The following DLG2 variants were observed in gnomAD, a reference collection of about 807,000 sequenced individuals.
DLG2 encodes disks large homolog 2.
DLG2 carries 45 observed loss-of-function variants against 132.5 expected under a neutral mutation model. The ratio of observed to expected loss-of-function variants is 0.34; its 90% confidence interval spans 0.27 to 0.44. The LOEUF (loss-of-function observed/expected upper bound fraction) is 0.44. DLG2 is among the 20% of genes least tolerant of loss of function. DLG2 has a pLI of 1.00. For missense variants in DLG2, 1,045 were observed against 1,196.9 expected (o/e 0.87, Z 1.87); for synonymous variants, 424 against 419.6 (o/e 1.01, Z -0.13).
At chr11:85,577,721 A>G (rs781073726) in intron 3 of DLG2, among the ~76,000 whole-genome samples, 1 of 152,136 alleles carries the variant, frequency 6.6e-6, no homozygotes, top group African/African-American at 2.4e-5. Flanking sequence ...AAAATGAGGT[A>G]AGGAAATCAG....
chr11:84,372,607 G>A (rs186061072), intron 7 of DLG2, among the ~76,000 whole-genome samples: 138 of 152,232 alleles, frequency 9.1e-4, no homozygotes, highest in African/African-American at 3.3e-3. Flanking sequence ...GATGCTACTA[G>A]TCAAACCACA....
intron 4 of DLG2, among the ~76,000 whole-genome samples, chr11:85,155,662 G>A (rs189277662): frequency 6.6e-6 from 1 of 152,052 alleles, no homozygotes; most frequent in Non-Finnish European, 1.5e-5. Flanking sequence ...CTGAGGTCAG[G>A]AGTTTGAGAC....
intron 8 of DLG2, among the ~76,000 whole-genome samples, chr11:84,171,257 A>G (rs2095815041): frequency 6.6e-6 from 1 of 152,174 alleles, no homozygotes; most frequent in Admixed American, 6.6e-5. Context: ...TATTTTTAAA[A>G]TTTGTATGAA....
chr11:84,595,237 T>G (rs1307252741), intron 6 of DLG2, among the ~76,000 whole-genome samples: 1 of 152,138 alleles, frequency 6.6e-6, no homozygotes, highest in Non-Finnish European at 1.5e-5. Flanking sequence ...CCAGACTAAC[T>G]GGGACTAAAG....
chr11:83,850,982 C>G (rs1177709921), intron 16 of DLG2, among the ~76,000 whole-genome samples: 2 of 152,018 alleles, frequency 1.3e-5, no homozygotes, highest in African/African-American at 4.8e-5. Context: ...CGAGATCATC[C>G]TGGCTAACAC....
chr11:84,328,678 G>C (rs1421658699), intron 7 of DLG2, among the ~76,000 whole-genome samples: 1 of 152,010 alleles, frequency 6.6e-6, no homozygotes, highest in Non-Finnish European at 1.5e-5. Flanking sequence ...AAATAAACCA[G>C]AGTCTGACTT....
chr11:84,243,466 T>C (rs907863836), intron 8 of DLG2, among the ~76,000 whole-genome samples: 3 of 152,186 alleles, frequency 2.0e-5, no homozygotes, highest in African/African-American at 7.2e-5. Context: ...GGTAGCTATC[T>C]CAACTGCAGG....
intron 6 of DLG2, among the ~76,000 whole-genome samples, chr11:84,881,162 T>A (rs904585075): frequency 6.6e-6 from 1 of 152,148 alleles, no homozygotes; most frequent in Non-Finnish European, 1.5e-5. Context: ...TGCCTGCTGA[T>A]CAGACCTGGA....
At chr11:84,936,364 G>A (rs372049353) in intron 6 of DLG2, among the ~76,000 whole-genome samples, 1 of 152,036 alleles carries the variant, frequency 6.6e-6, no homozygotes, top group Non-Finnish European at 1.5e-5. Context: ...CTACATGGAA[G>A]GGATTAACAT....
intron 3 of DLG2, among the ~76,000 whole-genome samples, chr11:85,303,518 C>G (rs1429612321): frequency 6.6e-6 from 1 of 152,054 alleles, no homozygotes; most frequent in Non-Finnish European, 1.5e-5. Flanking sequence ...CATGTATGTT[C>G]CCCTTATTAC....
chr11:85,154,607 C>T lies in DLG2; in HGVS notation c.231G>A (p.Glu77=). 1.3e-6 allele frequency: 2 copies of T among 1,540,446 alleles called. No homozygotes were observed. The highest frequency in any genetic ancestry group is 1.2e-5 in the South Asian group (1 of 83,300). The change falls in exon 5 of 28, where the codon GAG becomes GAA. Residue 77 remains glutamate (E), a synonymous_variant. Coordinates refer to ENST00000376104, the MANE Select transcript of DLG2 (RefSeq NM_001142699.3). ...CAAAACTCTGATTTTCTTTATTTTG[C>T]TCAATACATGAAGCATTTTCCTTTG... ...SGSKENASCI[E]QNKENQSFEN...
chr11:84,669,599 T>C (rs1236688814), intron 6 of DLG2, among the ~76,000 whole-genome samples: 1 of 152,140 alleles, frequency 6.6e-6, no homozygotes, highest in Non-Finnish European at 1.5e-5. Context: ...ACAATATGCT[T>C]TCAAATAACA....
chr11:85,492,635 G>C (rs2093587533), intron 3 of DLG2, among the ~76,000 whole-genome samples: 1 of 152,124 alleles, frequency 6.6e-6, no homozygotes. Context: ...TTAAGTGTCT[G>C]CTTCCCTTTA....
At chr11:84,703,887 C>CGTGTGTGTGTGTGTGTGTGT (rs370287195) in intron 6 of DLG2, among the ~76,000 whole-genome samples, 1 of 114,746 alleles carries the variant, frequency 8.7e-6, no homozygotes, top group South Asian at 2.9e-4. Flanking sequence ...TATATATACA[C>CGTGTGTGTGTGTGTGTGTGT]GTGTGTGTGT....
intron 4 of DLG2, among the ~76,000 whole-genome samples, chr11:85,162,408 C>A (rs2078099466): frequency 6.6e-6 from 1 of 152,118 alleles, no homozygotes; most frequent in Non-Finnish European, 1.5e-5. Context: ...AAAACAAAAA[C>A]ACACAACCTG....
chr11:83,553,483 CGTGTGTGTGTGTGTGTGTGTGTGTGT>C (rs71959561), intron 19 of DLG2, among the ~76,000 whole-genome samples: 1 of 143,772 alleles, frequency 7.0e-6, no homozygotes, highest in Non-Finnish European at 1.5e-5. Context: ...AAGTAAGCAC[CGTGTGTGTGTGTGTGTGTGTGTGTGT>C]GTGTGTGTGT....
intron 10 of DLG2, among the ~76,000 whole-genome samples, chr11:84,090,672 A>T (rs1045523477): frequency 1.3e-5 from 2 of 152,226 alleles, no homozygotes; most frequent in African/African-American, 4.8e-5. Context: ...TGGTAAAAGT[A>T]AAATTTGGTA....
At chr11:85,132,656 C>T (rs2075813886) in intron 5 of DLG2, 4 of 448,620 alleles carry the variant, frequency 8.9e-6, no homozygotes, top group Admixed American at 4.7e-5. Context: ...GTAAATTATA[C>T]TAATCATTTT....
chr11:84,449,882 T>C (rs2099046581), intron 7 of DLG2, among the ~76,000 whole-genome samples: 2 of 151,856 alleles, frequency 1.3e-5, no homozygotes, highest in African/African-American at 2.4e-5. Flanking sequence ...AAACAAGTAA[T>C]TTTAAAGTCT....
Sources: allele counts gnomAD v4.1 joint callset (sites outside exome capture counted in the v4.1 genomes callset), GRCh38; gene constraint gnomAD v4.1.1; transcripts MANE v1.5; gene names NCBI Gene and HGNC (gene_info 2026-07-23, HGNC 2026-07-21).